The following BCL11B variants were observed in gnomAD, a reference collection of about 807,000 sequenced individuals.
BCL11B encodes the protein B-cell lymphoma/leukemia 11B.
A neutral mutation model predicts 49.9 loss-of-function variants in BCL11B; 8 were observed. The ratio of observed to expected loss-of-function variants is 0.16; its 90% CI spans 0.09 to 0.29. BCL11B has a LOEUF of 0.29. BCL11B is among the 10% of genes least tolerant of loss of function. The probability of loss-of-function intolerance (pLI) is 1.00; values close to 1 mark genes in which losing one functional copy is unlikely to be tolerated. For synonymous variants in BCL11B, 739 were observed against 637.4 expected (o/e 1.16, Z -2.40); for missense variants, 1,006 against 1,351.0 (o/e 0.74, Z 4.00).
At chr14:99,197,158 G>C (rs1315025983) in intron 3 of BCL11B, among the ~76,000 whole-genome samples, 1 of 152,192 alleles carries the variant, frequency 6.6e-6, no homozygotes, top group East Asian at 1.9e-4. Context: ...ACCCTTATCA[G>C]GCTACACAAC....
intron 2 of BCL11B, among the ~76,000 whole-genome samples, chr14:99,239,540 G>A (rs560833673): frequency 2.0e-5 from 3 of 152,260 alleles, no homozygotes; most frequent in African/African-American, 7.2e-5. Context: ...CTGGGGGTGG[G>A]AGTGGAAATA....
chr14:99,266,029 T>C (rs1324853365), intron 1 of BCL11B, among the ~76,000 whole-genome samples: 1 of 152,216 alleles, frequency 6.6e-6, no homozygotes, highest in Non-Finnish European at 1.5e-5. Flanking sequence ...AATCCTCTCA[T>C]TAAAAGCCAT....
chr14:99,253,860 A>G (rs1043761820), intron 2 of BCL11B, among the ~76,000 whole-genome samples: 1 of 152,204 alleles, frequency 6.6e-6, no homozygotes, highest in African/African-American at 2.4e-5. Context: ...AAGAATGTAA[A>G]CCTATAGGCA....
rs534364840 is a variant in BCL11B at position 99,178,595 on chromosome 14, C to A, written c.641-2400G>T. ...GTGATTGTACTTGGGGAACAGCACG[C>A]CTTAGCTCAGACAGCCTCATAGGAG... On this transcript the variant is annotated intron_variant, in intron 3 of 3. Coordinates refer to ENST00000357195, the MANE Select transcript of BCL11B (RefSeq NM_138576.4). Among the ~76,000 whole-genome samples the A allele has an allele frequency of 7.9e-5, 12 of 152,228 alleles. 1 individual carries two copies. Among genetic ancestry groups the A allele is most frequent in the Non-Finnish European group, 1.3e-4 (9 of 68,042 alleles).
intron 3 of BCL11B, among the ~76,000 whole-genome samples, chr14:99,183,058 G>T (rs1299623431): frequency 3.1e-5 from 2 of 63,624 alleles, no homozygotes; most frequent in Non-Finnish European, 6.4e-5. Context: ...TCACACTCCA[G>T]GGGGGAGACA....
At chr14:99,218,413 G>T (rs1436900252) in intron 3 of BCL11B, among the ~76,000 whole-genome samples, 2 of 151,744 alleles carry the variant, frequency 1.3e-5, no homozygotes, top group Non-Finnish European at 2.9e-5. Flanking sequence ...CCGCCCTATC[G>T]TTAATAGTTG....
intron 3 of BCL11B, among the ~76,000 whole-genome samples, chr14:99,216,900 TCAGA>T (rs1359533999): frequency 1.4e-5 from 2 of 147,228 alleles, no homozygotes; most frequent in Non-Finnish European, 3.1e-5. Context: ...CCATATACAC[TCAGA>T]CATATACATA....
intron 3 of BCL11B, among the ~76,000 whole-genome samples, chr14:99,226,517 C>T (rs1888166334): frequency 6.6e-6 from 1 of 152,242 alleles, no homozygotes; most frequent in Non-Finnish European, 1.5e-5. Context: ...CGTTTGGCTT[C>T]CCATGGATCC....
Position 99,175,732 on chromosome 14 carries a change from G to A in BCL11B, c.1104C>T (p.Arg368=), listed in dbSNP as rs747413356. The A allele has an allele frequency of 4.1e-6, 6 of 1,481,254 alleles. No homozygotes were observed. The African/African-American group carries it at 4.4e-5, about 11-fold the overall frequency. 91.8% of individuals were successfully genotyped at this position (1,481,254 alleles called of 1,614,324 possible). Residue 368 remains arginine (R), a synonymous_variant, in exon 4 of 4, where the codon CGC becomes CGT. Transcript: ENST00000357195. ...GCGTGGAGCTGTTGCCCGCCAGCTC[G>A]CGGAGCCGCCGCGAGAAGTCCATGG... is the stretch of plus-strand genomic sequence containing the variant. ...SPAMDFSRRL[R]ELAGNSSTPP...
chr14:99,232,028 G>T lies in BCL11B; in HGVS notation c.428-471C>A, dbSNP rs1044991871. Among the ~76,000 whole-genome samples the T allele has an allele frequency of 2.6e-5, 4 of 152,126 alleles. No individual in the cohort carries two copies. Among genetic ancestry groups the T allele is most frequent in the Admixed American group, 6.5e-5 (1 of 15,278 alleles). ...CAGGATGGGCTGTTCCTACAGGCCC[G>T]GGACACCTTGGGTCCGCCTCCAGCC... On this transcript the variant is annotated intron_variant, in intron 2 of 3. Coordinates refer to ENST00000357195, the MANE Select transcript of BCL11B (RefSeq NM_138576.4). The surrounding 1 kb of genome is among the most constrained non-coding windows in gnomAD (Gnocchi z 5.1).
chr14:99,223,385 T>G (rs1169297840), intron 3 of BCL11B, among the ~76,000 whole-genome samples: 2 of 152,170 alleles, frequency 1.3e-5, no homozygotes, highest in Non-Finnish European at 2.9e-5. Context: ...TCTATTATTT[T>G]GTGGAGAGGG....
chr14:99,269,143 T>TCCCCCCCCCCCCCCCATCCCCCC (rs1566838293), intron 1 of BCL11B, among the ~76,000 whole-genome samples: 1 of 122,868 alleles, frequency 8.1e-6, no homozygotes, highest in Non-Finnish European at 1.7e-5. Context: ...CCCCATCCAC[T>TCCCCCCCCCCCCCCCATCCCCCC]CCCCCTTCCC....
rs1253405900 is a variant in BCL11B at position 99,248,216 on chromosome 14, A to C, written c.427+9255T>G. 6.6e-6 allele frequency among the ~76,000 whole-genome samples: 1 copy of C among 151,708 alleles called. No homozygotes were observed. The highest frequency in any genetic ancestry group is 1.5e-5 in the Non-Finnish European group (1 of 67,932). On this transcript the variant is annotated intron_variant, in intron 2 of 3. Transcript: ENST00000357195. This position sits in a 1 kb window ranked among gnomAD's most constrained non-coding sequence, Gnocchi z 4.7. Reference sequence around the variant, plus strand: ...AGCACAGACTCCTCCTTTCTGAGACACCCCAGGGCCCTCCAGACCAAAACC... The same window carrying C: ...AGCACAGACTCCTCCTTTCTGAGACCCCCCAGGGCCCTCCAGACCAAAACC...
chr14:99,174,054 G>A lies in BCL11B; in HGVS notation c.*97C>T, dbSNP rs1566792164. 1.6e-5 allele frequency: 20 copies of A among 1,280,816 alleles called. No individual in the cohort carries two copies. Among genetic ancestry groups the A allele is most frequent in the Non-Finnish European group, 1.8e-5 (17 of 923,950 alleles). 79.3% of individuals were successfully genotyped at this position (1,280,816 alleles called of 1,614,324 possible). On this transcript the variant is annotated 3_prime_UTR_variant, in exon 4 of 4. Transcript: ENST00000357195. ...CCCCTGGGCCCCGGGGACACGCGGG[G>A]TGCGGGGTGGCGGTGACACGGAGGC...
At chr14:99,209,413 C>A (rs1015396749) in intron 3 of BCL11B, among the ~76,000 whole-genome samples, 7 of 152,118 alleles carry the variant, frequency 4.6e-5, no homozygotes, top group Admixed American at 3.9e-4. Flanking sequence ...TCCATGGAGA[C>A]CACCGAGGCC....
At chr14:99,199,683 T>TGTGTGTGTGTGTGCGCGCGCGC (rs759599743) in intron 3 of BCL11B, among the ~76,000 whole-genome samples, 14 of 73,732 alleles carry the variant, frequency 1.9e-4, no homozygotes, top group African/African-American at 4.4e-4. Context: ...TGTGTGTGTG[T>TGTGTGTGTGTGTGCGCGCGCGC]GCGCGCGCGC....
In BCL11B at chr14:99,270,378, TC is replaced by T. The variant is rs1057497138; in HGVS notation, c.58+782del. 6.4e-4 allele frequency among the ~76,000 whole-genome samples: 96 copies of T among 150,718 alleles called. 2 individuals are homozygous for T. In the East Asian group the frequency reaches 0.019, roughly 29 times the overall value. ...TCCTAACTGACAACCTTTTTTTTTTTCCTCGTGGCGGGGATTTTTCACCAAC... is the reference window on the plus strand; with the variant it reads ...TCCTAACTGACAACCTTTTTTTTTTTCTCGTGGCGGGGATTTTTCACCAAC... On this transcript the variant is annotated intron_variant, in intron 1 of 3. Transcript: ENST00000357195.
At chr14:99,269,523 C>CG (rs1425009111) in intron 1 of BCL11B, among the ~76,000 whole-genome samples, 15 of 125,712 alleles carry the variant, frequency 1.2e-4, no homozygotes, top group Admixed American at 6.9e-4. Flanking sequence ...ATTCCCCCCC[C>CG]CCCAAAAAAA....
In BCL11B at chr14:99,247,064, C is replaced by G. The variant is rs1888866820; in HGVS notation, c.427+10407G>C. ...AACACGCTGTTTTCAGCGTTCCAGA[C>G]CACAGCGCTGCAGTCTACGCTGCCC... is the stretch of plus-strand genomic sequence containing the variant. On this transcript the variant is annotated intron_variant, in intron 2 of 3. Coordinates refer to ENST00000357195, the MANE Select transcript of BCL11B (RefSeq NM_138576.4). This position sits in a 1 kb window ranked among gnomAD's most constrained non-coding sequence, Gnocchi z 4.5. Among the ~76,000 whole-genome samples, 1 of 152,150 alleles carries G rather than the reference C, an allele frequency of 6.6e-6. No individual in the cohort carries two copies. Among genetic ancestry groups the G allele is most frequent in the Non-Finnish European group, 1.5e-5 (1 of 68,026 alleles).
Sources: allele counts gnomAD v4.1 joint callset (sites outside exome capture counted in the v4.1 genomes callset), GRCh38; gene constraint gnomAD v4.1.1; non-coding constraint Gnocchi (gnomAD v3.1); transcripts MANE v1.5; gene names NCBI Gene and HGNC (gene_info 2026-07-23, HGNC 2026-07-21).